The following KMT2C variants were observed in gnomAD, a reference collection of about 807,000 sequenced individuals.
KMT2C encodes histone-lysine N-methyltransferase 2C.
Under a neutral mutation model 507.9 loss-of-function variants are expected in KMT2C, and 88 were observed. The ratio of observed to expected loss-of-function variants is 0.17; its 90% CI spans 0.15 to 0.21. KMT2C has a LOEUF of 0.21. KMT2C is among the 10% of genes least tolerant of loss of function. The pLI, the probability that KMT2C is intolerant of heterozygous loss-of-function variation, is 1.00. For synonymous variants in KMT2C, 2,049 were observed against 2,080.8 expected, an observed-to-expected ratio of 0.98 and a Z score of 0.42; for missense variants, 4,954 against 5,957.8, an observed-to-expected ratio of 0.83 and a Z score of 5.55.
intron 4 of KMT2C, 53 bp from the exon 5 acceptor site, chr7:152,311,999 CATTTTT>C: frequency 7.0e-7 from 1 of 1,432,144 alleles, no homozygotes; most frequent in Admixed American, 1.8e-5. Context: ...AAAATTGTTT[CATTTTT>C]AACTGTTTAA....
At chr7:152,282,066 C>A (rs113146301) in intron 6 of KMT2C, among the ~76,000 whole-genome samples, 2 of 151,708 alleles carry the variant, frequency 1.3e-5, no homozygotes, top group Non-Finnish European at 1.5e-5. Flanking sequence ...CCAAGGCAGG[C>A]GGATCACTTG....
chr7:152,246,619 T>C (rs2095478276), intron 14 of KMT2C, among the ~76,000 whole-genome samples: 2 of 152,110 alleles, frequency 1.3e-5, no homozygotes, highest in Admixed American at 6.6e-5. Flanking sequence ...AAATTTGAGA[T>C]TCAAATTTCC....
intron 1 of KMT2C, among the ~76,000 whole-genome samples, chr7:152,412,700 T>G (rs1052938191): frequency 1.3e-5 from 2 of 152,130 alleles, no homozygotes; most frequent in Non-Finnish European, 2.9e-5. Flanking sequence ...CTAGCTTAAA[T>G]GCACAGTGGT....
At chr7:152,272,160 T>C (rs1174677854) in intron 7 of KMT2C, among the ~76,000 whole-genome samples, 2 of 152,210 alleles carry the variant, frequency 1.3e-5, no homozygotes, top group Admixed American at 1.3e-4. Flanking sequence ...TCTTTTAGCT[T>C]TATGTTGCCA....
chr7:152,424,936 G>C (rs960417267), intron 1 of KMT2C, among the ~76,000 whole-genome samples: 1 of 152,122 alleles, frequency 6.6e-6, no homozygotes, highest in Admixed American at 6.6e-5. Context: ...AGTAGAAGCT[G>C]CCTGACATGC....
chr7:152,162,016 G>A (rs2092480106), intron 43 of KMT2C, 101 bp downstream of exon 43: 1 of 1,304,810 alleles, frequency 7.7e-7, no homozygotes. Flanking sequence ...AGAATAAAAA[G>A]GTTGTAGAAT....
rs1186933312 is a variant in KMT2C, at chr7:152,203,193, A to G, written c.3962-129T>C. ...AACAAACAAGCTTTTTGAACAAAAA[A>G]ATCTCAAATCAAGTTTGTTACTTTT... On this transcript the variant is annotated intron_variant, in intron 25 of 58. Transcript: ENST00000262189. 8 of 637,214 alleles carry G rather than the reference A, an allele frequency of 1.3e-5. No individual in the cohort carries two copies. The East Asian group carries it at 2.5e-4, about 20-fold the overall frequency. The allele number at this position is 637,214 out of a possible 1,614,324, so 39.5% of individuals were successfully genotyped here. A position where few individuals can be genotyped will look rare whatever the true frequency, so the allele number is the denominator to read the frequency against.
chr7:152,310,813 T>G (rs142523638), intron 5 of KMT2C, among the ~76,000 whole-genome samples: 1 of 152,034 alleles, frequency 6.6e-6, no homozygotes, highest in Non-Finnish European at 1.5e-5. Context: ...CCTTGCCAAA[T>G]AGCTGGGACT....
chr7:152,372,701 G>C (rs1027526978), intron 1 of KMT2C, among the ~76,000 whole-genome samples: 3 of 152,122 alleles, frequency 2.0e-5, no homozygotes, highest in Admixed American at 6.6e-5. Flanking sequence ...CCCCAATTTG[G>C]AGCACCTAAA....
intron 23 of KMT2C, among the ~76,000 whole-genome samples, chr7:152,215,493 G>A (rs1414495232): frequency 2.6e-4 from 30 of 113,996 alleles, no homozygotes; most frequent in African/African-American, 1.0e-3. Context: ...CAGCCTGGGC[G>A]ACACAGCAAG....
At chr7:152,264,543 ATAG>A (rs1375011611) in intron 8 of KMT2C, among the ~76,000 whole-genome samples, 7 of 152,230 alleles carry the variant, frequency 4.6e-5, no homozygotes, top group Non-Finnish European at 8.8e-5. Flanking sequence ...CATTAAAATA[ATAG>A]TAGAAATTGT....
At chr7:152,433,089 G>A (rs1417030968) in intron 1 of KMT2C, among the ~76,000 whole-genome samples, 3 of 151,694 alleles carry the variant, frequency 2.0e-5, no homozygotes, top group Non-Finnish European at 2.9e-5. Flanking sequence ...CAGAGGTTGC[G>A]GTGAGCCGAG....
intron 23 of KMT2C, among the ~76,000 whole-genome samples, chr7:152,209,252 C>T (rs186368733): frequency 2.6e-5 from 4 of 151,380 alleles, no homozygotes; most frequent in Admixed American, 6.6e-5. Context: ...GTCAGGAGAT[C>T]GAGACCATCC....
At chr7:152,174,370 C>A (rs2093101645) in intron 38 of KMT2C, 128 bp from the exon 39 acceptor site, 1 of 561,990 alleles carries the variant, frequency 1.8e-6, no homozygotes, top group African/African-American at 1.9e-5. Flanking sequence ...GAGATGGCAA[C>A]CTTATCCTGG....
intron 23 of KMT2C, among the ~76,000 whole-genome samples, chr7:152,214,461 T>C (rs567687238): frequency 2.3e-3 from 355 of 152,280 alleles, no homozygotes; most frequent in Middle Eastern, 6.8e-3. Flanking sequence ...TAAATGAACA[T>C]ACAGCAGGTC....
rs144064206 is a variant in KMT2C at position 152,177,909 on chromosome 7, C to T, written c.7544G>A (p.Arg2515Lys). Residue 2515 changes from arginine (R) to lysine (K), a missense_variant, in exon 38 of 59, where the codon AGA becomes AAA. This residue lies in a region of KMT2C where 1,689 missense variants were observed against 1,654.3 expected (regional missense o/e 1.02). Coordinates refer to ENST00000262189, the MANE Select transcript of KMT2C (RefSeq NM_170606.3). ...AGGCATATCTACAGATACTGATCTTCTTAGCTGTGGAGAAACTCCAGATCC... is the reference window on the plus strand; with the variant it reads ...AGGCATATCTACAGATACTGATCTTTTTAGCTGTGGAGAAACTCCAGATCC... The part of the protein sequence containing the change: ...IQGSGVSPQL[R>K]RSVSVDMPRP... 127 of 1,607,154 alleles carry T rather than the reference C, an allele frequency of 7.9e-5. No individual in the cohort carries two copies. The highest frequency in any genetic ancestry group is 1.1e-4 in the Non-Finnish European group (124 of 1,177,988).
At chr7:152,255,108 CTTATATATATAT>C (rs1357714575) in intron 9 of KMT2C, among the ~76,000 whole-genome samples, 15 of 60,678 alleles carry the variant, frequency 2.5e-4, no homozygotes, top group African/African-American at 3.5e-4. Flanking sequence ...TCAACTCTCA[CTTATATATATAT>C]ATATATATAT....
chr7:152,226,008 A>G (rs2094918494), intron 18 of KMT2C, among the ~76,000 whole-genome samples: 1 of 152,114 alleles, frequency 6.6e-6, no homozygotes, highest in Non-Finnish European at 1.5e-5. Flanking sequence ...CTATATTGGG[A>G]GAAGGATGGA....
chr7:152,343,682 GA>G (rs2097023058), intron 2 of KMT2C, among the ~76,000 whole-genome samples: 1 of 152,024 alleles, frequency 6.6e-6, no homozygotes, highest in South Asian at 2.1e-4. Flanking sequence ...AAAGAGGTCA[GA>G]GGGAAAAAAA....
Sources: allele counts gnomAD v4.1 joint callset (sites outside exome capture counted in the v4.1 genomes callset), GRCh38; gene constraint gnomAD v4.1.1; regional missense constraint gnomAD v4.1.1; transcripts MANE v1.5; gene names NCBI Gene and HGNC (gene_info 2026-07-23, HGNC 2026-07-21).